Variants in ZNF518A observed in about 807,000 individuals in gnomAD.
ZNF518A encodes zinc finger protein 518A.
In ZNF518A, 47 loss-of-function variants were observed where a neutral mutation model predicts 102.7. The observed-to-expected ratio is 0.46, with a 90% CI of 0.36 to 0.58. The LOEUF is 0.58. Among genes scored for constraint, ZNF518A ranks in the 20% least tolerant of loss-of-function variants. The pLI is 0.00. For missense variants in ZNF518A, 1,793 were observed against 1,699.8 expected (o/e 1.05, Z -0.96); for synonymous variants, 652 against 594.6 (o/e 1.10, Z -1.40).
rs2081265174 is a variant in ZNF518A, at chr10:96,130,413, G to T, written c.-792G>T. On this transcript the variant is annotated 5_prime_UTR_variant, in exon 1 of 6. Coordinates refer to ENST00000316045, the MANE Select transcript of ZNF518A (RefSeq NM_001330736.2). Reference sequence around the variant, plus strand: ...GGGTTGTTTTACTTCCGGGCTTTTTGAACTCTACACTCTCCTACATTCTAG... The same window carrying T: ...GGGTTGTTTTACTTCCGGGCTTTTTTAACTCTACACTCTCCTACATTCTAG... Among the ~76,000 whole-genome samples the T allele has an allele frequency of 6.6e-6, 1 of 152,192 alleles. No individual in the cohort carries two copies. The highest frequency in any genetic ancestry group is 1.5e-5 in the Non-Finnish European group (1 of 68,036).
intron 3 of ZNF518A, among the ~76,000 whole-genome samples, chr10:96,145,749 A>G (rs782698599): frequency 1.3e-5 from 2 of 152,224 alleles, no homozygotes; most frequent in Non-Finnish European, 2.9e-5. Flanking sequence ...AGTTTAAGAA[A>G]AACTCAGTTG....
chr10:96,199,558 GA>G (rs1554895561), intron 1 of ZNF518A: 1 of 458,172 alleles, frequency 2.2e-6, no homozygotes, highest in Admixed American at 2.3e-5. Flanking sequence ...AGGACAAGTA[GA>G]AATGAGATGG....
At chr10:96,179,753 A>ATTCCTC (rs2083227174) in intron 1 of ZNF518A, among the ~76,000 whole-genome samples, 2 of 150,284 alleles carry the variant, frequency 1.3e-5, no homozygotes, top group Admixed American at 6.6e-5. Context: ...ATCTTTTACA[A>ATTCCTC]TTCTTCTTCT....
chr10:96,134,765 A>G (rs2081516627), intron 3 of ZNF518A, among the ~76,000 whole-genome samples: 1 of 152,226 alleles, frequency 6.6e-6, no homozygotes, highest in African/African-American at 2.4e-5. Context: ...AACAAGTGTC[A>G]GAATATTAGA....
Position 96,158,583 on chromosome 10 carries a change from C to T in ZNF518A, c.2261C>T (p.Ser754Phe). Reference protein sequence around the residue: ...ATEKSKWEDFSNVDSPMMPRI... With the variant: ...ATEKSKWEDFFNVDSPMMPRI... The stretch of plus-strand genomic sequence containing the variant: ...GAAAAATCTAAATGGGAAGACTTTT[C>T]TAATGTCGATTCACCTATGATGCCT... Residue 754 changes from serine (S) to phenylalanine (F), a missense_variant, in exon 6 of 6, where the codon TCT becomes TTT. By Grantham distance (155) the Ser-to-Phe change is radical. Transcript: ENST00000316045. The T allele has an allele frequency of 6.2e-7, 1 of 1,613,216 alleles. No homozygotes were observed. Among genetic ancestry groups the T allele is most frequent in the Non-Finnish European group, 8.5e-7 (1 of 1,179,644 alleles).
chr10:96,202,445 A>G (rs2083670500), intron 1 of ZNF518A, among the ~76,000 whole-genome samples: 1 of 152,228 alleles, frequency 6.6e-6, no homozygotes, highest in Admixed American at 6.5e-5. Flanking sequence ...AGGTGTGTGA[A>G]GAAAGCAAGT....
At chr10:96,185,039 C>T (rs1212876964) in intron 1 of ZNF518A, among the ~76,000 whole-genome samples, 4 of 152,160 alleles carry the variant, frequency 2.6e-5, no homozygotes, top group Non-Finnish European at 4.4e-5. Context: ...CTTCACACTT[C>T]GTTTCATTAA....
At position 96,159,828 on chromosome 10, in the gene ZNF518A, T is replaced by C. The variant is rs782275777; in HGVS notation, c.3506T>C (p.Leu1169Ser). Residue 1169 changes from leucine (L) to serine (S), a missense_variant, in exon 6 of 6, where the codon TTG (leucine) becomes TCG (serine). Physicochemically the swap from Leu to Ser is moderately radical, Grantham distance 145. Around this residue, in one of 3 missense-constraint regions of ZNF518A, gnomAD observed 1,741 missense variants for 1,622.6 expected, o/e 1.07. Transcript: ENST00000316045. ...TCAGTAAGCAACTCTGCATCCTCAT[T>C]GCAAAAAGACAACGTACCATCTAAT... is the stretch of plus-strand genomic sequence containing the variant. ...NLSVSNSASS[L>S]QKDNVPSNQI... 14 of 1,613,550 alleles carry C rather than the reference T, an allele frequency of 8.7e-6. No homozygotes were observed. Among genetic ancestry groups the C allele is most frequent in the Non-Finnish European group, 1.2e-5 (14 of 1,179,742 alleles).
At chr10:96,184,956 G>T (rs1262370832) in intron 1 of ZNF518A, among the ~76,000 whole-genome samples, 1 of 152,016 alleles carries the variant, frequency 6.6e-6, no homozygotes, top group Non-Finnish European at 1.5e-5. Context: ...ACGTAGATTT[G>T]GTCTTTTCAC....
intron 1 of ZNF518A, among the ~76,000 whole-genome samples, chr10:96,201,492 TA>T (rs2083633174): frequency 6.6e-6 from 1 of 152,222 alleles, no homozygotes; most frequent in Non-Finnish European, 1.5e-5. Context: ...TGTTAACATG[TA>T]ATGAGTTTAA....
chr10:96,200,306 A>T lies in ZNF518A; in HGVS notation n.36-3268A>T, dbSNP rs1335452948. On this transcript the variant is annotated intron_variant and non_coding_transcript_variant, in intron 1 of 2. Transcript: ENST00000442635. The surrounding 1 kb of genome is among the most constrained non-coding windows in gnomAD (Gnocchi z 4.3). ...TAAGATGAGTTTTATTTTTCCTTTG[A>T]TCAAACACAAGGATTATACCGTTAA... 1.6e-6 allele frequency: 1 copy of T among 638,848 alleles called. No individual in the cohort carries two copies. The allele number at this position is 638,848 out of a possible 1,614,324, so 39.6% of individuals were successfully genotyped here. A position where few individuals can be genotyped will look rare whatever the true frequency, so the allele number is the denominator to read the frequency against.
chr10:96,204,128 A>G (rs1326260017), exon 3 of ZNF518A: 2 of 1,610,932 alleles, frequency 1.2e-6, no homozygotes, highest in Non-Finnish European at 1.7e-6. Context: ...GACAAAGCAC[A>G]ATATGAGTAA....
In ZNF518A at chr10:96,158,569, A is replaced by G; in HGVS notation, c.2247A>G (p.Lys749=). 2 of 1,613,182 alleles carry G rather than the reference A, an allele frequency of 1.2e-6. No homozygotes were observed. Among genetic ancestry groups the G allele is most frequent in the Non-Finnish European group, 1.7e-6 (2 of 1,179,630 alleles). ...QNLECATEKS[K]WEDFSNVDSP... ...TAGAGTGTGCGACTGAAAAATCTAA[A>G]TGGGAAGACTTTTCTAATGTCGATT... The change falls in exon 6 of 6, where the codon AAA becomes AAG. Residue 749 remains lysine (K), a synonymous_variant. Coordinates refer to ENST00000316045, the MANE Select transcript of ZNF518A (RefSeq NM_001330736.2).
chr10:96,169,373 G>C (rs587612119), intron 1 of ZNF518A, among the ~76,000 whole-genome samples: 1 of 152,162 alleles, frequency 6.6e-6, no homozygotes, highest in South Asian at 2.1e-4. Flanking sequence ...TTTTCTTTCT[G>C]TTTCTCAGAC....
intron 1 of ZNF518A, among the ~76,000 whole-genome samples, chr10:96,187,015 G>C (rs1176893779): frequency 6.6e-6 from 1 of 152,168 alleles, no homozygotes; most frequent in Non-Finnish European, 1.5e-5. Flanking sequence ...TATTTGATGT[G>C]AGTTTCTGTG....
intron 3 of ZNF518A, among the ~76,000 whole-genome samples, chr10:96,154,671 A>G (rs587602393): frequency 1.3e-5 from 2 of 152,238 alleles, no homozygotes; most frequent in East Asian, 3.9e-4. Context: ...GTTTCCTGAC[A>G]GTTCCAGTTA....
rs781869992 is a variant in ZNF518A, at chr10:96,159,811, C to A, written c.3489C>A (p.Ser1163Arg). Residue 1163 changes from serine (S) to arginine (R), a missense_variant, in exon 6 of 6, where the codon AGC becomes AGA. Physicochemically the swap from Ser to Arg is moderately radical, Grantham distance 110. This residue lies in a region of ZNF518A where 1,741 missense variants were observed against 1,622.6 expected (regional missense o/e 1.07). Transcript: ENST00000316045. ...NVTAANNLSVSNSASSLQKDN... is the reference protein window; with the variant it reads ...NVTAANNLSVRNSASSLQKDN... ...CTGCTGCTAATAATCTGTCAGTAAG[C>A]AACTCTGCATCCTCATTGCAAAAAG... The A allele has an allele frequency of 6.2e-7, 1 of 1,613,642 alleles. No homozygotes were observed. The highest frequency in any genetic ancestry group is 2.2e-5 in the East Asian group (1 of 44,880).
chr10:96,140,610 T>A (rs1554876165), intron 3 of ZNF518A, among the ~76,000 whole-genome samples: 4 of 152,034 alleles, frequency 2.6e-5, no homozygotes. Context: ...TTAGTTCAGA[T>A]TTTTCTCCCA....
At position 96,158,668 on chromosome 10, in the gene ZNF518A, A is replaced by G. The variant is rs782554677; in HGVS notation, c.2346A>G (p.Glu782=). The G allele has an allele frequency of 2.0e-5, 32 of 1,613,268 alleles. No individual in the cohort carries two copies. The highest frequency in any genetic ancestry group is 2.6e-5 in the Non-Finnish European group (31 of 1,179,638). Residue 782 remains glutamate (E), a synonymous_variant, in exon 6 of 6, where the codon GAA becomes GAG. Transcript: ENST00000316045. ...AGGCATCAGAATTTCTGCCACCTGA[A>G]GTAAACCAATTGCTTCAGGATGTAT... The part of the protein sequence containing the change: ...SQQASEFLPP[E]VNQLLQDVLK...
Sources: gnomAD v4.1 joint callset for allele counts (sites outside exome capture counted in the v4.1 genomes callset) on GRCh38, gnomAD v4.1.1 for gene constraint, gnomAD v4.1.1 regional missense constraint, Gnocchi (gnomAD v3.1) non-coding constraint, MANE v1.5 for transcripts, NCBI Gene and HGNC (gene_info 2026-07-23, HGNC 2026-07-21) for gene names.